Variants in FAM13A observed in about 807,000 individuals in gnomAD.
FAM13A encodes family with sequence similarity 13 member A, also known as protein FAM13A.
In FAM13A, 76 loss-of-function variants were observed where a neutral mutation model predicts 129.6. The ratio of observed to expected loss-of-function variants is 0.59; its 90% CI spans 0.49 to 0.71. The LOEUF is 0.71. Among genes scored for constraint, FAM13A ranks in the 30% least tolerant of loss-of-function variants. FAM13A has a pLI of 0.00. For missense variants in FAM13A, 1,108 were observed against 1,249.3 expected (o/e 0.89, Z 1.70); for synonymous variants, 443 against 449.9 (o/e 0.98, Z 0.20).
intron 18 of FAM13A, 60 bp from the exon 19 acceptor site, chr4:88,747,075 T>C: frequency 8.7e-7 from 1 of 1,150,660 alleles, no homozygotes; most frequent in South Asian, 1.3e-5. Context: ...ACATTCCAAC[T>C]TCTTTACTTA....
chr4:88,781,449 G>A (rs754128360), intron 10 of FAM13A, 98 bp from the exon 11 acceptor site: 2 of 839,632 alleles, frequency 2.4e-6, no homozygotes, highest in Non-Finnish European at 3.5e-6. Flanking sequence ...AATCCAAAGA[G>A]TGCCCAGAAA....
intron 4 of FAM13A, among the ~76,000 whole-genome samples, chr4:88,940,990 G>A (rs559956819): frequency 8.5e-5 from 13 of 152,156 alleles, no homozygotes; most frequent in Non-Finnish European, 1.9e-4. Flanking sequence ...TCTATTGGCA[G>A]GAAGCAGGTT....
intron 1 of FAM13A, among the ~76,000 whole-genome samples, chr4:89,035,414 A>C (rs534303671): frequency 1.3e-5 from 2 of 151,516 alleles, no homozygotes; most frequent in East Asian, 3.9e-4. Context: ...AGCTACTTCC[A>C]TTGGGATAAG....
chr4:88,867,260 T>C (rs1406890811), intron 6 of FAM13A, among the ~76,000 whole-genome samples: 1 of 152,232 alleles, frequency 6.6e-6, no homozygotes, highest in East Asian at 1.9e-4. Flanking sequence ...ACAAAGCTTA[T>C]CTTAAACACC....
rs760237166 is a variant in FAM13A at position 88,787,791 on chromosome 4, C to CT, written c.1232dup (p.Ser412ValfsTer6). On this transcript the variant is annotated frameshift_variant, in exon 10 of 24. Coordinates refer to ENST00000264344, the MANE Select transcript of FAM13A (RefSeq NM_014883.4). LOFTEE classifies it high-confidence loss of function. ...GTCGAACTTCATCCTGCTCCTTGGA[C>CT]TGGCGGCGGCGCTGTCTGGCAGATG... 6 of 1,613,606 alleles carry CT rather than the reference C, an allele frequency of 3.7e-6. No homozygotes were observed. The highest frequency in any genetic ancestry group is 5.1e-6 in the Non-Finnish European group (6 of 1,179,686).
intron 4 of FAM13A, among the ~76,000 whole-genome samples, chr4:88,952,581 T>A (rs1398176357): frequency 6.6e-6 from 1 of 152,248 alleles, no homozygotes; most frequent in East Asian, 1.9e-4. Context: ...TATTTTGTTC[T>A]GTACTACGTA....
intron 3 of FAM13A, among the ~76,000 whole-genome samples, chr4:89,012,585 T>G (rs1765876490): frequency 6.6e-6 from 1 of 152,180 alleles, no homozygotes. Context: ...ACATCCAAAG[T>G]GTATAATTTG....
chr4:88,993,504 T>C (rs1763169280), intron 3 of FAM13A, among the ~76,000 whole-genome samples: 1 of 152,232 alleles, frequency 6.6e-6, no homozygotes, highest in African/African-American at 2.4e-5. Context: ...AGGCAATGTG[T>C]AAAGATACCA....
chr4:88,892,333 C>T (rs1383867328), intron 6 of FAM13A, among the ~76,000 whole-genome samples: 1 of 152,002 alleles, frequency 6.6e-6, no homozygotes, highest in Non-Finnish European at 1.5e-5. Flanking sequence ...GCGCCCGCCA[C>T]CACGCCTGGC....
chr4:88,797,924 T>C (rs1014889228), intron 8 of FAM13A, among the ~76,000 whole-genome samples: 5 of 152,242 alleles, frequency 3.3e-5, no homozygotes, highest in African/African-American at 1.2e-4. Context: ...TGCTGAGTCA[T>C]TGAGGCAGAT....
intron 4 of FAM13A, among the ~76,000 whole-genome samples, chr4:88,984,548 T>A (rs1249778600): frequency 1.4e-4 from 21 of 152,058 alleles, no homozygotes; most frequent in Non-Finnish European, 1.5e-5. Context: ...TTCAATGTCA[T>A]TAGTAATCAG....
intron 11 of FAM13A, among the ~76,000 whole-genome samples, chr4:88,771,525 G>T (rs1019006844): frequency 6.6e-6 from 1 of 152,148 alleles, no homozygotes; most frequent in African/African-American, 2.4e-5. Context: ...CCTACCAGGC[G>T]TAGTAAGAGT....
At chr4:89,025,616 A>G (rs1767875593) in intron 2 of FAM13A, among the ~76,000 whole-genome samples, 4 of 152,188 alleles carry the variant, frequency 2.6e-5, no homozygotes, top group African/African-American at 9.6e-5. Flanking sequence ...TTTGCCCATC[A>G]GTATGGGACT....
intron 4 of FAM13A, among the ~76,000 whole-genome samples, chr4:88,969,458 A>G (rs986336448): frequency 2.0e-5 from 3 of 152,186 alleles, no homozygotes; most frequent in Non-Finnish European, 4.4e-5. Context: ...AGATAAACTC[A>G]TAGACAGGTT....
chr4:88,830,986 T>C (rs1412208391), intron 7 of FAM13A, among the ~76,000 whole-genome samples: 1 of 118,098 alleles, frequency 8.5e-6, no homozygotes, highest in Non-Finnish European at 1.7e-5. Flanking sequence ...TGTGGATGCT[T>C]TTTTTTTTTT....
chr4:88,832,924 GCA>G (rs1257436962), intron 7 of FAM13A, among the ~76,000 whole-genome samples: 1 of 152,044 alleles, frequency 6.6e-6, no homozygotes, highest in East Asian at 1.9e-4. Flanking sequence ...AAAGATACAT[GCA>G]CATGTATGTT....
At position 89,005,277 on chromosome 4, in the gene FAM13A, T is replaced by C. The variant is rs539586706; in HGVS notation, c.428-14127A>G. On this transcript the variant is annotated intron_variant, in intron 3 of 23. Coordinates refer to ENST00000264344, the MANE Select transcript of FAM13A (RefSeq NM_014883.4). ...TTTTTTATGGCTGCATAATATTCCA[T>C]GGTGTATATGTATTATATTTTCTTT... Among the ~76,000 whole-genome samples, 24 of 152,322 alleles carry C rather than the reference T, an allele frequency of 1.6e-4. No individual in the cohort carries two copies. In the East Asian group the frequency reaches 4.6e-3, roughly 29 times the overall value.
chr4:88,764,416 T>C (rs184069813), intron 13 of FAM13A, among the ~76,000 whole-genome samples: 1 of 152,306 alleles, frequency 6.6e-6, no homozygotes, highest in East Asian at 1.9e-4. Context: ...TCAACAGAGA[T>C]TCATTGTAAG....
chr4:88,867,668 T>A (rs547116582), intron 6 of FAM13A, among the ~76,000 whole-genome samples: 17 of 152,318 alleles, frequency 1.1e-4, no homozygotes, highest in African/African-American at 3.6e-4. Context: ...TTTGCATGTT[T>A]CAACATAGAT....
Sources: allele counts gnomAD v4.1 joint callset (sites outside exome capture counted in the v4.1 genomes callset), GRCh38; gene constraint gnomAD v4.1.1; transcripts MANE v1.5; gene names NCBI Gene and HGNC (gene_info 2026-07-23, HGNC 2026-07-21).